Variants in HSPBAP1 observed in about 807,000 individuals in gnomAD.
HSPBAP1 encodes the protein HSPB1 associated protein 1, also known as HSPB1-associated protein 1.
Under a neutral mutation model 45.2 loss-of-function variants are expected in HSPBAP1, and 27 were observed. That is an observed-to-expected ratio of 0.60 (90% CI 0.44 to 0.82). The LOEUF (loss-of-function observed/expected upper bound fraction) is 0.82. Among genes scored for constraint, HSPBAP1 ranks in the 40% least tolerant of loss-of-function variants. HSPBAP1 has a pLI of 0.00. For synonymous variants in HSPBAP1, 204 were observed against 202.7 expected, an observed-to-expected ratio of 1.01 and a Z score of -0.06; for missense variants, 510 against 590.9, an observed-to-expected ratio of 0.86 and a Z score of 1.42.
chr3:122,792,385 G>C (rs914489559), intron 1 of HSPBAP1, among the ~76,000 whole-genome samples: 1 of 152,200 alleles, frequency 6.6e-6, no homozygotes, highest in African/African-American at 2.4e-5. Flanking sequence ...ATACATTCTG[G>C]ATAAGGGGGT....
intron 6 of HSPBAP1, among the ~76,000 whole-genome samples, chr3:122,748,304 G>A (rs1361570259): frequency 1.3e-5 from 2 of 151,600 alleles, no homozygotes; most frequent in Non-Finnish European, 2.9e-5. Flanking sequence ...TTGTTTATCT[G>A]CTGACCTTCC....
intron 5 of HSPBAP1, chr3:122,753,322 G>C: frequency 1.8e-6 from 1 of 563,764 alleles, no homozygotes; most frequent in South Asian, 7.9e-5. Flanking sequence ...AAGTAGGTCA[G>C]TCTTACTATC....
chr3:122,765,802 T>C (rs528067357), intron 3 of HSPBAP1, among the ~76,000 whole-genome samples: 9 of 152,326 alleles, frequency 5.9e-5, no homozygotes, highest in African/African-American at 2.2e-4. Context: ...ATAAGATCCA[T>C]TCTGTGCAAG....
At chr3:122,764,259 C>T (rs1934696879) in intron 3 of HSPBAP1, among the ~76,000 whole-genome samples, 1 of 152,134 alleles carries the variant, frequency 6.6e-6, no homozygotes, top group Non-Finnish European at 1.5e-5. Flanking sequence ...TTTTTTCCTA[C>T]TCTATTTCTT....
intron 6 of HSPBAP1, among the ~76,000 whole-genome samples, chr3:122,744,009 T>G (rs1281243515): frequency 6.6e-6 from 1 of 152,032 alleles, no homozygotes; most frequent in Non-Finnish European, 1.5e-5. Flanking sequence ...TGAGATTCCA[T>G]CTCTAAAAAA....
intron 1 of HSPBAP1, among the ~76,000 whole-genome samples, chr3:122,788,282 G>C (rs528688481): frequency 6.6e-6 from 1 of 152,178 alleles, no homozygotes; most frequent in East Asian, 1.9e-4. Flanking sequence ...GCAAGAAAAA[G>C]GAAATCTGTC....
chr3:122,770,887 T>C (rs1934971318), intron 2 of HSPBAP1, among the ~76,000 whole-genome samples: 2 of 152,250 alleles, frequency 1.3e-5, no homozygotes, highest in African/African-American at 4.8e-5. Context: ...AGCCTAAACA[T>C]ATTATACTGT....
At chr3:122,773,276 C>A (rs1935065847) in intron 2 of HSPBAP1, among the ~76,000 whole-genome samples, 1 of 147,008 alleles carries the variant, frequency 6.8e-6, no homozygotes, top group South Asian at 2.2e-4. Flanking sequence ...AACGTATGTT[C>A]AACATCACCA....
intron 6 of HSPBAP1, among the ~76,000 whole-genome samples, chr3:122,749,769 C>G (rs980651806): frequency 1.3e-5 from 2 of 151,902 alleles, no homozygotes; most frequent in Non-Finnish European, 2.9e-5. Flanking sequence ...CCACCATGCC[C>G]GGCTAATTTT....
chr3:122,759,403 T>C lies in HSPBAP1; in HGVS notation c.433-43A>G, dbSNP rs1934489077. ...TGCAATCCATCAAGAACTAACCAAC[T>C]TCTCTGTATGGTAATGCTGCCCATT... is the stretch of plus-strand genomic sequence containing the variant. On this transcript the variant is annotated intron_variant, in intron 3 of 7. Coordinates refer to ENST00000306103, the MANE Select transcript of HSPBAP1 (RefSeq NM_024610.6). 2.5e-6 allele frequency: 4 copies of C among 1,591,342 alleles called. No homozygotes were observed. In the East Asian group the frequency reaches 9.0e-5, roughly 36 times the overall value.
intron 1 of HSPBAP1, among the ~76,000 whole-genome samples, chr3:122,787,012 C>T (rs2107543467): frequency 6.6e-6 from 1 of 152,234 alleles, no homozygotes; most frequent in African/African-American, 2.4e-5. Flanking sequence ...TAATATTTTG[C>T]AAAGAGCTAT....
chr3:122,746,855 G>C (rs913850358), intron 6 of HSPBAP1, among the ~76,000 whole-genome samples: 15 of 152,166 alleles, frequency 9.9e-5, no homozygotes, highest in Non-Finnish European at 2.1e-4. Flanking sequence ...GGGTTTCACT[G>C]TGTTGGCCGT....
At chr3:122,752,511 T>A in intron 6 of HSPBAP1, 80 bp downstream of exon 6, 1 of 818,098 alleles carries the variant, frequency 1.2e-6, no homozygotes, top group Non-Finnish European at 1.9e-6. Context: ...ATTACCCAGT[T>A]GTACAGCCAG....
chr3:122,764,505 T>C lies in HSPBAP1; in HGVS notation c.432+4196A>G, dbSNP rs187533299. Among the ~76,000 whole-genome samples the C allele has an allele frequency of 7.2e-5, 11 of 152,328 alleles. No individual in the cohort carries two copies. The East Asian group carries it at 2.1e-3, about 29-fold the overall frequency. ...TTCTTCCACAAATTAAATTCATCCA[T>C]GAAAAATATGTACATTGATAAACAT... On this transcript the variant is annotated intron_variant, in intron 3 of 7. Transcript: ENST00000306103.
chr3:122,775,794 A>G (rs1243422377), intron 2 of HSPBAP1, among the ~76,000 whole-genome samples: 1 of 152,242 alleles, frequency 6.6e-6, no homozygotes, highest in Non-Finnish European at 1.5e-5. Context: ...ATGAAAATAC[A>G]TGTCCACACA....
intron 1 of HSPBAP1, among the ~76,000 whole-genome samples, chr3:122,790,839 A>G (rs1030904773): frequency 3.9e-5 from 6 of 152,096 alleles, no homozygotes; most frequent in African/African-American, 1.4e-4. Flanking sequence ...AATAAACCAA[A>G]AATTTTAAAA....
Position 122,777,775 on chromosome 3 carries a change from C to A in HSPBAP1, c.196G>T (p.Val66Phe). Reference sequence around the variant, plus strand: ...AATCGTATCTGCTTGCCATGAAGGACCTGCGAAAGGTATTTAGCATTCCAG... The same window carrying A: ...AATCGTATCTGCTTGCCATGAAGGAACTGCGAAAGGTATTTAGCATTCCAG... ...RHWNAKYLSQ[V>F]LHGKQIRFRM... is the part of the protein sequence containing the mutation. Residue 66 changes from valine (V) to phenylalanine (F), a missense_variant, in exon 2 of 8, where the codon GTC (valine) becomes TTC (phenylalanine). By Grantham distance (50) the Val-to-Phe change is conservative (BLOSUM62 -1). Coordinates refer to ENST00000306103, the MANE Select transcript of HSPBAP1 (RefSeq NM_024610.6). 1 of 1,613,902 alleles carries A rather than the reference C, an allele frequency of 6.2e-7. No homozygotes were observed. The highest frequency in any genetic ancestry group is 8.5e-7 in the Non-Finnish European group (1 of 1,179,922).
At chr3:122,749,115 T>C (rs942349402) in intron 6 of HSPBAP1, among the ~76,000 whole-genome samples, 4 of 151,522 alleles carry the variant, frequency 2.6e-5, no homozygotes, top group East Asian at 1.9e-4. Context: ...TATATACTTA[T>C]TTACATATAT....
chr3:122,782,377 A>G (rs1935514322), intron 1 of HSPBAP1, among the ~76,000 whole-genome samples: 1 of 152,214 alleles, frequency 6.6e-6, no homozygotes, highest in Admixed American at 6.5e-5. Context: ...ACAAACCAAC[A>G]CTGTAACTTA....
Sources: allele counts gnomAD v4.1 joint callset (sites outside exome capture counted in the v4.1 genomes callset), GRCh38; gene constraint gnomAD v4.1.1; transcripts MANE v1.5; gene names NCBI Gene and HGNC (gene_info 2026-07-23, HGNC 2026-07-21).